SGCZ: variants seen among roughly 807,000 people sequenced by gnomAD.
SGCZ encodes zeta-sarcoglycan.
In SGCZ, 40 loss-of-function variants were observed where a neutral mutation model predicts 41.3. The ratio of observed to expected loss-of-function variants is 0.97; its 90% CI spans 0.75 to 1.26. The LOEUF (loss-of-function observed/expected upper bound fraction) is 1.26. Among genes scored for constraint, SGCZ ranks in the 50% most tolerant of loss-of-function variants. SGCZ has a pLI of 0.00. For synonymous variants in SGCZ, 206 were observed against 137.5 expected, an observed-to-expected ratio of 1.50 and a Z score of -3.49; for missense variants, 552 against 369.8, an observed-to-expected ratio of 1.49 and a Z score of -4.04.
intron 1 of SGCZ, among the ~76,000 whole-genome samples, chr8:15,088,081 A>C (rs1330482756): frequency 6.6e-6 from 1 of 152,138 alleles, no homozygotes; most frequent in African/African-American, 2.4e-5. Flanking sequence ...CTGAATAGAA[A>C]AAGGATCTGA....
intron 2 of SGCZ, among the ~76,000 whole-genome samples, chr8:14,337,207 G>A (rs963652913): frequency 6.6e-6 from 1 of 152,092 alleles, no homozygotes; most frequent in Admixed American, 6.6e-5. Context: ...AAAAAAGTCT[G>A]CAATTGTCCC....
At chr8:15,023,583 G>T (rs1165008984) in intron 1 of SGCZ, among the ~76,000 whole-genome samples, 1 of 152,118 alleles carries the variant, frequency 6.6e-6, no homozygotes, top group Non-Finnish European at 1.5e-5. Flanking sequence ...AATATGTACA[G>T]CAATTAAAAC....
chr8:14,552,525 G>A (rs1476070592), intron 2 of SGCZ, among the ~76,000 whole-genome samples: 4 of 151,900 alleles, frequency 2.6e-5, no homozygotes, highest in Non-Finnish European at 5.9e-5. Flanking sequence ...AAAGGAAAAC[G>A]TAAAAAAATA....
At chr8:14,710,159 G>C (rs1809467218) in intron 1 of SGCZ, among the ~76,000 whole-genome samples, 1 of 152,052 alleles carries the variant, frequency 6.6e-6, no homozygotes, top group African/African-American at 2.4e-5. Context: ...GAGGTCAGGA[G>C]ATCGAGACCA....
At chr8:14,721,962 T>C (rs540402893) in intron 1 of SGCZ, among the ~76,000 whole-genome samples, 1 of 152,262 alleles carries the variant, frequency 6.6e-6, no homozygotes, top group Admixed American at 6.5e-5. Flanking sequence ...TCACTGGCCC[T>C]TCTGCCTAAA....
chr8:15,000,841 T>G (rs1423858045), intron 1 of SGCZ, among the ~76,000 whole-genome samples: 3 of 152,212 alleles, frequency 2.0e-5, no homozygotes, highest in African/African-American at 7.2e-5. Flanking sequence ...TCTGTCTGTC[T>G]TGCAAGGAGC....
At chr8:14,721,814 C>G (rs369216241) in intron 1 of SGCZ, among the ~76,000 whole-genome samples, 1 of 152,028 alleles carries the variant, frequency 6.6e-6, no homozygotes, top group African/African-American at 2.4e-5. Flanking sequence ...AAACAAAAAC[C>G]CTGTAAGCAC....
rs545757332 is a variant in SGCZ at position 14,767,371 on chromosome 8, A to T, written c.40-212445T>A. ...TTAGATAATAAGGAGGCTGTTGTTT[A>T]TCAATCTCAAAAGTGTTTTTAGTAG... On this transcript the variant is annotated intron_variant, in intron 1 of 7. Coordinates refer to ENST00000382080, the MANE Select transcript of SGCZ (RefSeq NM_139167.4). Among the ~76,000 whole-genome samples, 35 of 152,352 alleles carry T rather than the reference A, an allele frequency of 2.3e-4. 1 individual carries two copies. In the South Asian group the frequency reaches 7.2e-3, roughly 32 times the overall value.
At chr8:14,901,715 C>G (rs1242046292) in intron 1 of SGCZ, among the ~76,000 whole-genome samples, 1 of 152,014 alleles carries the variant, frequency 6.6e-6, no homozygotes, top group East Asian at 1.9e-4. Flanking sequence ...GTAAAAATGC[C>G]TAAAGCTGTG....
At chr8:14,348,026 G>C (rs1468729104) in intron 2 of SGCZ, among the ~76,000 whole-genome samples, 1 of 151,872 alleles carries the variant, frequency 6.6e-6, no homozygotes, top group East Asian at 1.9e-4. Flanking sequence ...TACTTTCTTA[G>C]AAATTCCAGG....
intron 2 of SGCZ, among the ~76,000 whole-genome samples, chr8:14,336,614 T>A (rs1014591494): frequency 6.6e-6 from 1 of 152,146 alleles, no homozygotes; most frequent in Admixed American, 6.6e-5. Context: ...ATGTTATGAC[T>A]TTTTAATCAT....
chr8:14,889,462 G>A (rs1302073427), intron 1 of SGCZ, among the ~76,000 whole-genome samples: 1 of 152,098 alleles, frequency 6.6e-6, no homozygotes, highest in African/African-American at 2.4e-5. Flanking sequence ...TTATATTAAT[G>A]TATTAAGTTG....
chr8:14,832,796 T>G (rs751846116), intron 1 of SGCZ, among the ~76,000 whole-genome samples: 2 of 152,112 alleles, frequency 1.3e-5, no homozygotes, highest in Non-Finnish European at 2.9e-5. Flanking sequence ...TTCAGAGACA[T>G]AAATAATTCA....
chr8:14,431,902 C>T (rs1044952339), intron 2 of SGCZ, among the ~76,000 whole-genome samples: 5 of 152,060 alleles, frequency 3.3e-5, no homozygotes, highest in Non-Finnish European at 4.4e-5. Context: ...AGAAGATACA[C>T]CAATGGCCAA....
chr8:14,247,019 T>C (rs1374548739), intron 3 of SGCZ, among the ~76,000 whole-genome samples: 1 of 152,120 alleles, frequency 6.6e-6, no homozygotes, highest in East Asian at 1.9e-4. Flanking sequence ...GAAGTGCTTA[T>C]TATGAAAATA....
intron 1 of SGCZ, among the ~76,000 whole-genome samples, chr8:14,698,192 T>C (rs2117589687): frequency 6.6e-6 from 1 of 152,134 alleles, no homozygotes; most frequent in South Asian, 2.1e-4. Context: ...TACTGTTTGG[T>C]TATTTTTAGC....
rs1801848541 is a variant in SGCZ at position 15,228,617 on chromosome 8, GA to G, written c.39+8967del. Among the ~76,000 whole-genome samples the G allele has an allele frequency of 5.3e-5, 8 of 152,258 alleles. No individual in the cohort carries two copies. The South Asian group carries it at 1.7e-3, about 32-fold the overall frequency. On this transcript the variant is annotated intron_variant, in intron 1 of 7. Coordinates refer to ENST00000382080, the MANE Select transcript of SGCZ (RefSeq NM_139167.4). ...CCCTAGACCAAAGTAACAGACAACAGAAATACAGAGATTTAGAAATACAGGT... is the reference window on the plus strand; with the variant it reads ...CCCTAGACCAAAGTAACAGACAACAGAATACAGAGATTTAGAAATACAGGT...
At chr8:14,582,725 T>C (rs1804933407) in intron 1 of SGCZ, among the ~76,000 whole-genome samples, 1 of 146,208 alleles carries the variant, frequency 6.8e-6, no homozygotes, top group Non-Finnish European at 1.5e-5. Context: ...GTTCTCATTG[T>C]TCAATTCCCA....
chr8:14,320,550 C>A (rs1390961759), intron 3 of SGCZ, among the ~76,000 whole-genome samples: 1 of 151,846 alleles, frequency 6.6e-6, no homozygotes, highest in Non-Finnish European at 1.5e-5. Context: ...TGTCTGAATT[C>A]TATAAAGAAT....
Sources: allele counts gnomAD v4.1 joint callset (sites outside exome capture counted in the v4.1 genomes callset), GRCh38; gene constraint gnomAD v4.1.1; transcripts MANE v1.5; gene names NCBI Gene and HGNC (gene_info 2026-07-23, HGNC 2026-07-21).